GLI2: variants seen among roughly 807,000 people sequenced by gnomAD.
The protein encoded by GLI2 is GLI family zinc finger 2, also known as transcription activator GLI2.
Under a neutral mutation model 78.9 loss-of-function variants are expected in GLI2, and 22 were observed. The ratio of observed to expected loss-of-function variants is 0.28; its 90% CI spans 0.20 to 0.40. The LOEUF is 0.40. Among genes scored for constraint, GLI2 ranks in the 10% least tolerant of loss-of-function variants. GLI2 has a pLI of 1.00. For missense variants in GLI2, 2,097 were observed against 2,213.2 expected (o/e 0.95, Z 1.05); for synonymous variants, 974 against 963.7 (o/e 1.01, Z -0.20).
chr2:120,768,558 C>G (rs1043322862), intron 1 of GLI2, among the ~76,000 whole-genome samples: 2 of 152,218 alleles, frequency 1.3e-5, no homozygotes, highest in African/African-American at 4.8e-5. Context: ...TTCTCCAACG[C>G]CTTTGGCATG....
At chr2:120,767,898 G>A (rs1163437740) in intron 1 of GLI2, among the ~76,000 whole-genome samples, 2 of 152,174 alleles carry the variant, frequency 1.3e-5, no homozygotes, top group Non-Finnish European at 1.5e-5. Context: ...GATAAATCTA[G>A]GAAGTGCAGG....
intron 2 of GLI2, among the ~76,000 whole-genome samples, chr2:120,927,008 A>G (rs1465741116): frequency 2.6e-5 from 4 of 152,210 alleles, no homozygotes; most frequent in Non-Finnish European, 4.4e-5. Context: ...CAGGGCCGGC[A>G]TGGGCAGAAG....
chr2:120,780,282 C>G (rs931570590), intron 1 of GLI2, among the ~76,000 whole-genome samples: 1 of 152,188 alleles, frequency 6.6e-6, no homozygotes, highest in Non-Finnish European at 1.5e-5. Context: ...CAAGAAGATC[C>G]ACTTGCCGAG....
intron 1 of GLI2, among the ~76,000 whole-genome samples, chr2:120,756,318 T>C (rs1270199862): frequency 6.6e-6 from 1 of 152,194 alleles, no homozygotes; most frequent in Non-Finnish European, 1.5e-5. Context: ...AGATATTTTA[T>C]GTTTTTGATA....
At chr2:120,801,538 G>A (rs911030865) in intron 2 of GLI2, among the ~76,000 whole-genome samples, 5 of 152,236 alleles carry the variant, frequency 3.3e-5, no homozygotes, top group Non-Finnish European at 7.3e-5. Context: ...GGAACACGAT[G>A]TAGCCACTGA....
Position 120,839,899 on chromosome 2 carries a change from A to G in GLI2, c.148+42431A>G, listed in dbSNP as rs185230154. Among the ~76,000 whole-genome samples, 111 of 152,300 alleles carry G rather than the reference A, an allele frequency of 7.3e-4. 1 individual carries two copies. The highest frequency in any genetic ancestry group is 2.0e-3 in the Admixed American group (30 of 15,296). On this transcript the variant is annotated intron_variant, in intron 2 of 13. Transcript: ENST00000361492. ...TTTTATTAATCCTTGCAAAGGTCTA[A>G]TTCAGGAGTTGGTTGATTCTCTTTC... is the stretch of plus-strand genomic sequence containing the variant.
intron 1 of GLI2, among the ~76,000 whole-genome samples, chr2:120,758,417 GC>G (rs1683101931): frequency 6.6e-6 from 1 of 152,208 alleles, no homozygotes; most frequent in Non-Finnish European, 1.5e-5. Flanking sequence ...TGTGAATGGT[GC>G]TGGCTGGGAG....
intron 3 of GLI2, among the ~76,000 whole-genome samples, chr2:120,944,040 G>C (rs76640528): frequency 0.025 from 3,741 of 152,176 alleles, 160 homozygotes; most frequent in African/African-American, 0.087. Flanking sequence ...GCTACACACC[G>C]TCCAGGTACA....
Position 120,955,078 on chromosome 2 carries a change from C to T in GLI2, c.458-167C>T, listed in dbSNP as rs573680360. Reference sequence around the variant, plus strand: ...GTGCTGGCCAAGCCCAGGCCCAGCACAGTGCAAACAGTGGGGCAGTGGGGG... The same window carrying T: ...GTGCTGGCCAAGCCCAGGCCCAGCATAGTGCAAACAGTGGGGCAGTGGGGG... On this transcript the variant is annotated intron_variant, in intron 4 of 13. Coordinates refer to ENST00000361492, the MANE Select transcript of GLI2 (RefSeq NM_001374353.1). Among the ~76,000 whole-genome samples the T allele has an allele frequency of 6.7e-5, 10 of 150,228 alleles. No homozygotes were observed. The South Asian group carries it at 1.7e-3, about 25-fold the overall frequency.
chr2:120,849,973 A>G (rs1264905229), intron 2 of GLI2, among the ~76,000 whole-genome samples: 1 of 152,242 alleles, frequency 6.6e-6, no homozygotes, highest in Non-Finnish European at 1.5e-5. Context: ...AGTTCATTAA[A>G]GGGATACATG....
chr2:120,786,005 T>G (rs1304731375), intron 1 of GLI2, among the ~76,000 whole-genome samples: 1 of 152,180 alleles, frequency 6.6e-6, no homozygotes, highest in African/African-American at 2.4e-5. Context: ...GGTGCCAGAC[T>G]CTGTCATAAG....
chr2:120,971,045 C>A (rs1558925683), intron 7 of GLI2, among the ~76,000 whole-genome samples: 1 of 152,248 alleles, frequency 6.6e-6, no homozygotes, highest in South Asian at 2.1e-4. Flanking sequence ...GTGCCTGGCA[C>A]ATCCTAGGTG....
intron 10 of GLI2, among the ~76,000 whole-genome samples, chr2:120,980,803 A>T (rs191107767): frequency 1.3e-5 from 2 of 152,340 alleles, no homozygotes; most frequent in African/African-American, 4.8e-5. Flanking sequence ...AAAATTTAAA[A>T]ATTAAAAAAA....
At chr2:120,848,305 T>C (rs1245821385) in intron 2 of GLI2, among the ~76,000 whole-genome samples, 1 of 152,146 alleles carries the variant, frequency 6.6e-6, no homozygotes, top group Non-Finnish European at 1.5e-5. Context: ...GTGGGGCTCC[T>C]CCATTAAGAG....
At chr2:120,833,034 C>A (rs1016761300) in intron 2 of GLI2, among the ~76,000 whole-genome samples, 2 of 152,060 alleles carry the variant, frequency 1.3e-5, no homozygotes, top group African/African-American at 4.8e-5. Flanking sequence ...AGGGACATGG[C>A]TGCCCATGGC....
At chr2:120,965,037 C>T (rs1015768121) in intron 5 of GLI2, among the ~76,000 whole-genome samples, 2 of 152,218 alleles carry the variant, frequency 1.3e-5, no homozygotes, top group African/African-American at 2.4e-5. Context: ...TGGATCTAAG[C>T]GTCACTAAAT....
At chr2:120,933,413 G>T (rs1014122190) in intron 3 of GLI2, among the ~76,000 whole-genome samples, 11 of 152,184 alleles carry the variant, frequency 7.2e-5, no homozygotes, top group African/African-American at 2.7e-4. Context: ...TGGGGCAGGG[G>T]TGTGTGATTG....
In GLI2 at chr2:120,971,989, G is replaced by A. The variant is rs199931941; in HGVS notation, c.1108G>A (p.Ala370Thr). 8.7e-6 allele frequency: 14 copies of A among 1,613,594 alleles called. No individual in the cohort carries two copies. In the East Asian group the frequency reaches 1.1e-4, roughly 13 times the overall value. The change falls in exon 8 of 14, where the codon GCC (alanine) becomes ACC (threonine). Residue 370 changes from alanine (A) to threonine (T), a missense_variant. This residue lies in a region of GLI2 where 578 missense variants were observed against 612.0 expected (regional missense o/e 0.94). Coordinates refer to ENST00000361492, the MANE Select transcript of GLI2 (RefSeq NM_001374353.1). ...SAVSSTVNPV[A>T]IHKRSKVKTE... is the part of the protein sequence containing the mutation. ...CGTCAGCAGCACCGTCAACCCTGTC[G>A]CCATTCACAAGCGCAGCAAGGTCAA... is the stretch of plus-strand genomic sequence containing the variant.
chr2:120,823,355 G>A lies in GLI2; in HGVS notation c.148+25887G>A, dbSNP rs185745573. On this transcript the variant is annotated intron_variant, in intron 2 of 13. Coordinates refer to ENST00000361492, the MANE Select transcript of GLI2 (RefSeq NM_001374353.1). ...AGGGACTGGAGTTGTGTGTGGGGCT[G>A]GGGGAGAAATCCCCCCCATCATTAA... Among the ~76,000 whole-genome samples, 414 of 152,288 alleles carry A rather than the reference G, an allele frequency of 2.7e-3. 2 individuals are homozygous for A. Among genetic ancestry groups the A allele is most frequent in the African/African-American group, 9.4e-3 (389 of 41,550 alleles).
Sources: gnomAD v4.1 joint callset for allele counts (sites outside exome capture counted in the v4.1 genomes callset) on GRCh38, gnomAD v4.1.1 for gene constraint, gnomAD v4.1.1 regional missense constraint, MANE v1.5 for transcripts, NCBI Gene and HGNC (gene_info 2026-07-23, HGNC 2026-07-21) for gene names.